GRIK1: variants seen among roughly 807,000 people sequenced by gnomAD.
The protein encoded by GRIK1 is glutamate receptor ionotropic, kainate 1.
GRIK1 carries 69 observed loss-of-function variants against 105.7 expected under a neutral mutation model. The observed-to-expected ratio is 0.65, with a 90% CI of 0.54 to 0.80. The LOEUF is 0.80. Ranked by LOEUF, GRIK1 falls within the 30% of genes least tolerant of loss-of-function variation. The pLI, the probability that GRIK1 is intolerant of heterozygous loss-of-function variation, is 0.00. For synonymous variants in GRIK1, 438 were observed against 431.3 expected, an observed-to-expected ratio of 1.02 and a Z score of -0.19; for missense variants, 1,109 against 1,167.3, an observed-to-expected ratio of 0.95 and a Z score of 0.73.
chr21:29,587,376 C>A lies in GRIK1; in HGVS notation c.1783G>T (p.Val595Leu). 2 of 1,604,140 alleles carry A rather than the reference C, an allele frequency of 1.2e-6. No individual in the cohort carries two copies. The highest frequency in any genetic ancestry group is 1.7e-6 in the Non-Finnish European group (2 of 1,170,976). Residue 595 changes from valine to leucine, a missense_variant, in exon 12 of 18, where the codon GTG (valine) becomes TTG (leucine). Val to Leu is a conservative substitution (Grantham distance 32, BLOSUM62 1). Coordinates refer to ENST00000327783, the MANE Select transcript of GRIK1 (RefSeq NM_001330994.2). ...ACLGVSCVLF[V>L]IARFTPYEWY... Reference sequence around the variant, plus strand: ...GATTCTCAAACTTACCTTGCAATCACAAAGAGTACACAGCTGACTCCCAAG... The same window carrying A: ...GATTCTCAAACTTACCTTGCAATCAAAAAGAGTACACAGCTGACTCCCAAG...
intron 6 of GRIK1, among the ~76,000 whole-genome samples, chr21:29,647,315 G>A (rs1226030892): frequency 1.3e-5 from 2 of 152,174 alleles, no homozygotes; most frequent in Admixed American, 6.5e-5. Flanking sequence ...GAGGTTAAAT[G>A]ACTTGTTCAG....
intron 7 of GRIK1, chr21:29,630,597 T>C (rs2062245916): frequency 2.1e-6 from 1 of 471,330 alleles, no homozygotes; most frequent in Non-Finnish European, 4.4e-6. Context: ...TACGTGAGCT[T>C]GGAAGAGGAC....
chr21:29,770,476 GAT>G (rs768362874), intron 1 of GRIK1, among the ~76,000 whole-genome samples: 3 of 152,156 alleles, frequency 2.0e-5, no homozygotes, highest in Non-Finnish European at 4.4e-5. Flanking sequence ...CTAATATTCA[GAT>G]ATATAAAACA....
intron 1 of GRIK1, among the ~76,000 whole-genome samples, chr21:29,829,101 A>T (rs1013979294): frequency 2.0e-5 from 3 of 152,090 alleles, no homozygotes; most frequent in Non-Finnish European, 4.4e-5. Flanking sequence ...AAGGATGAGG[A>T]TCCTGAATTA....
intron 4 of GRIK1, among the ~76,000 whole-genome samples, chr21:29,667,912 G>A (rs1291739320): frequency 1.3e-5 from 2 of 152,164 alleles, no homozygotes; most frequent in Non-Finnish European, 2.9e-5. Flanking sequence ...AATGCATTAC[G>A]GTTTCTTAAT....
chr21:29,613,824 A>G (rs181431698), intron 7 of GRIK1, among the ~76,000 whole-genome samples: 1 of 152,296 alleles, frequency 6.6e-6, no homozygotes, highest in East Asian at 1.9e-4. Flanking sequence ...TGCTCTCATC[A>G]TATGGTTGGG....
At chr21:29,908,167 G>C (rs1435766948) in intron 1 of GRIK1, among the ~76,000 whole-genome samples, 1 of 151,996 alleles carries the variant, frequency 6.6e-6, no homozygotes, top group Non-Finnish European at 1.5e-5. Context: ...CCGAAAAAAA[G>C]AGGAAAAACA....
intron 1 of GRIK1, among the ~76,000 whole-genome samples, chr21:29,897,730 C>A (rs947192987): frequency 1.3e-5 from 2 of 152,176 alleles, no homozygotes; most frequent in African/African-American, 4.8e-5. Flanking sequence ...AGCCATAAAC[C>A]ATGGGCAAGT....
At chr21:29,671,745 C>T (rs892616772) in intron 4 of GRIK1, among the ~76,000 whole-genome samples, 3 of 152,130 alleles carry the variant, frequency 2.0e-5, no homozygotes, top group African/African-American at 2.4e-5. Flanking sequence ...AAAAACTTTG[C>T]CTATGCCACA....
chr21:29,880,489 T>C (rs2069367416), intron 1 of GRIK1, among the ~76,000 whole-genome samples: 1 of 152,148 alleles, frequency 6.6e-6, no homozygotes. Context: ...TAGGTTTGAA[T>C]TTGCTTAGCT....
chr21:29,562,823 TA>T (rs2090515476), intron 14 of GRIK1, among the ~76,000 whole-genome samples: 2 of 152,296 alleles, frequency 1.3e-5, no homozygotes, highest in Middle Eastern at 3.4e-3. Flanking sequence ...ATAGATTCAG[TA>T]ATAAATTATA....
chr21:29,800,542 C>T (rs2066677109), intron 1 of GRIK1, among the ~76,000 whole-genome samples: 1 of 152,180 alleles, frequency 6.6e-6, no homozygotes, highest in African/African-American at 2.4e-5. Flanking sequence ...TTAACATTTC[C>T]TAATGGTCAA....
chr21:29,684,566 GGT>G (rs1368114695), intron 3 of GRIK1, among the ~76,000 whole-genome samples: 1 of 151,650 alleles, frequency 6.6e-6, no homozygotes, highest in East Asian at 1.9e-4. Flanking sequence ...GGAGTGCAGT[GGT>G]GCGATCTTGG....
chr21:29,593,443 C>A (rs1203793999), intron 9 of GRIK1, among the ~76,000 whole-genome samples: 1 of 152,180 alleles, frequency 6.6e-6, no homozygotes, highest in Non-Finnish European at 1.5e-5. Context: ...TCTCAATCTC[C>A]ATCCCTTCTT....
At chr21:29,878,893 C>T (rs1233243253) in intron 1 of GRIK1, among the ~76,000 whole-genome samples, 1 of 152,020 alleles carries the variant, frequency 6.6e-6, no homozygotes, top group Non-Finnish European at 1.5e-5. Context: ...TTGTCATGGG[C>T]CCTCACCAGT....
At chr21:29,638,351 C>T (rs1212348878) in intron 7 of GRIK1, among the ~76,000 whole-genome samples, 1 of 152,054 alleles carries the variant, frequency 6.6e-6, no homozygotes, top group East Asian at 1.9e-4. Flanking sequence ...CAGTCACTAT[C>T]ACAAGAACAG....
At chr21:29,925,000 A>G (rs917082044) in intron 1 of GRIK1, among the ~76,000 whole-genome samples, 2 of 152,174 alleles carry the variant, frequency 1.3e-5, no homozygotes, top group African/African-American at 2.4e-5. Flanking sequence ...CCATTTCCCT[A>G]GATACTATAA....
chr21:29,716,649 A>C (rs2064185460), intron 1 of GRIK1, among the ~76,000 whole-genome samples: 1 of 152,190 alleles, frequency 6.6e-6, no homozygotes, highest in South Asian at 2.1e-4. Flanking sequence ...GGAACTTTGA[A>C]CTTGAGAGAG....
At position 29,576,947 on chromosome 21, in the gene GRIK1, C is replaced by G. The variant is rs763484369; in HGVS notation, c.2130+17G>C. The G allele has an allele frequency of 1.0e-5, 14 of 1,401,200 alleles. No homozygotes were observed. In the Admixed American group the frequency reaches 2.3e-4, roughly 24 times the overall value. 86.8% of individuals were successfully genotyped at this position (1,401,200 alleles called of 1,614,324 possible). On this transcript the variant is annotated intron_variant, in intron 14 of 17. Transcript: ENST00000327783. ...AAGTATCAGATAATCACTGAGAACACTTTGTCAGCTTCTTACCTTGAAGAA... is the reference window on the plus strand; with the variant it reads ...AAGTATCAGATAATCACTGAGAACAGTTTGTCAGCTTCTTACCTTGAAGAA...
Sources: gnomAD v4.1 joint callset for allele counts (sites outside exome capture counted in the v4.1 genomes callset) on GRCh38, gnomAD v4.1.1 for gene constraint, MANE v1.5 for transcripts, NCBI Gene and HGNC (gene_info 2026-07-23, HGNC 2026-07-21) for gene names.